MACROD2: variants seen among roughly 807,000 people sequenced by gnomAD.
MACROD2 encodes the protein mono-ADP ribosylhydrolase 2.
Under a neutral mutation model 70.4 loss-of-function variants are expected in MACROD2, and 36 were observed. The ratio of observed to expected loss-of-function variants is 0.51; its 90% CI spans 0.39 to 0.68. The LOEUF is 0.68. Ranked by LOEUF, MACROD2 falls within the 30% of genes least tolerant of loss-of-function variation. The pLI is 0.00. For synonymous variants in MACROD2, 172 were observed against 178.8 expected (o/e 0.96, Z 0.30); for missense variants, 496 against 538.4 (o/e 0.92, Z 0.78).
At chr20:14,870,505 C>T (rs1040547195) in intron 5 of MACROD2, among the ~76,000 whole-genome samples, 3 of 152,034 alleles carry the variant, frequency 2.0e-5, no homozygotes, top group Non-Finnish European at 2.9e-5. Context: ...TTTAAGTCTT[C>T]GAGGAATCCC....
chr20:14,208,155 T>A (rs2081541451), intron 3 of MACROD2, among the ~76,000 whole-genome samples: 2 of 152,122 alleles, frequency 1.3e-5, no homozygotes, highest in South Asian at 4.1e-4. Context: ...TTGTTGAAGG[T>A]GATTTGGGGT....
chr20:15,820,840 A>G (rs2063930958), intron 8 of MACROD2, among the ~76,000 whole-genome samples: 2 of 152,202 alleles, frequency 1.3e-5, no homozygotes, highest in Non-Finnish European at 2.9e-5. Context: ...TATTCATGCT[A>G]TATCAACATG....
intron 5 of MACROD2, among the ~76,000 whole-genome samples, chr20:15,163,447 G>A (rs115593214): frequency 8.9e-4 from 135 of 152,164 alleles, no homozygotes; most frequent in African/African-American, 3.2e-3. Context: ...TTTAGAAATA[G>A]CATTCTCACT....
At chr20:14,492,480 C>A (rs1207384263) in intron 3 of MACROD2, among the ~76,000 whole-genome samples, 1 of 152,136 alleles carries the variant, frequency 6.6e-6, no homozygotes, top group Non-Finnish European at 1.5e-5. Context: ...TATCTAACCT[C>A]ATTGAATCAT....
chr20:14,180,970 A>C (rs1258961906), intron 3 of MACROD2, among the ~76,000 whole-genome samples: 1 of 152,084 alleles, frequency 6.6e-6, no homozygotes, highest in Admixed American at 6.6e-5. Flanking sequence ...TGTATTCACT[A>C]TCTGAAAATT....
intron 5 of MACROD2, among the ~76,000 whole-genome samples, chr20:14,946,433 G>A (rs1434667098): frequency 1.3e-5 from 2 of 151,902 alleles, no homozygotes; most frequent in African/African-American, 2.4e-5. Context: ...CCAATATGTT[G>A]TATTTAAATA....
At chr20:15,415,506 A>T (rs1481716108) in intron 6 of MACROD2, among the ~76,000 whole-genome samples, 3 of 152,216 alleles carry the variant, frequency 2.0e-5, no homozygotes, top group Non-Finnish European at 2.9e-5. Context: ...CCTTCCACAC[A>T]CTTTAAAGGA....
At chr20:15,337,598 A>G (rs1216215861) in intron 6 of MACROD2, among the ~76,000 whole-genome samples, 2 of 151,780 alleles carry the variant, frequency 1.3e-5, no homozygotes, top group Non-Finnish European at 2.9e-5. Context: ...ATTACCACAC[A>G]TACTTATTTA....
chr20:15,339,627 G>A (rs535405095), intron 6 of MACROD2, among the ~76,000 whole-genome samples: 1 of 151,878 alleles, frequency 6.6e-6, no homozygotes, highest in Admixed American at 6.5e-5. Flanking sequence ...CTGTTTTGTT[G>A]AGATGGCTTC....
At chr20:14,491,062 T>C (rs1387985623) in intron 3 of MACROD2, among the ~76,000 whole-genome samples, 2 of 152,150 alleles carry the variant, frequency 1.3e-5, no homozygotes, top group African/African-American at 4.8e-5. Flanking sequence ...TTATTATTAA[T>C]TTTAGACACA....
chr20:14,980,125 A>G (rs1233369637), intron 5 of MACROD2, among the ~76,000 whole-genome samples: 1 of 152,128 alleles, frequency 6.6e-6, no homozygotes, highest in Non-Finnish European at 1.5e-5. Context: ...TTGTCCTCCT[A>G]AAAACTTATT....
chr20:14,376,751 AAATAATAATAATAATAATAAT>A (rs6147295), intron 3 of MACROD2, among the ~76,000 whole-genome samples: 28 of 135,860 alleles, frequency 2.1e-4, no homozygotes, highest in Non-Finnish European at 3.6e-4. Context: ...GCCTGTCTCA[AAATAATAATAATAATAATAAT>A]AATAATAATA....
intron 5 of MACROD2, among the ~76,000 whole-genome samples, chr20:14,828,761 A>G (rs2072929452): frequency 1.3e-5 from 2 of 152,096 alleles, no homozygotes; most frequent in Non-Finnish European, 2.9e-5. Flanking sequence ...ACTGTGTTAC[A>G]TCATGCTAAT....
intron 5 of MACROD2, among the ~76,000 whole-genome samples, chr20:14,954,807 T>A (rs2074510991): frequency 1.2e-4 from 1 of 8,358 alleles, no homozygotes; most frequent in Non-Finnish European, 4.3e-4. Context: ...ATAAATAAAT[T>A]TTATATAATA....
intron 5 of MACROD2, among the ~76,000 whole-genome samples, chr20:14,776,247 T>C (rs1290308746): frequency 6.6e-6 from 1 of 152,040 alleles, no homozygotes; most frequent in Non-Finnish European, 1.5e-5. Flanking sequence ...GTCCAAAGTC[T>C]GGACTCAAGG....
At chr20:15,661,676 T>C (rs999242928) in intron 8 of MACROD2, among the ~76,000 whole-genome samples, 1 of 152,176 alleles carries the variant, frequency 6.6e-6, no homozygotes, top group Non-Finnish European at 1.5e-5. Flanking sequence ...GCACCAGGGA[T>C]GCTTCTAAGC....
intron 15 of MACROD2, among the ~76,000 whole-genome samples, chr20:16,023,690 G>A (rs2067037063): frequency 6.6e-6 from 1 of 152,086 alleles, no homozygotes; most frequent in African/African-American, 2.4e-5. Flanking sequence ...CAATCCCACT[G>A]AGGCCTCTGT....
At chr20:14,485,529 G>A (rs775996623) in intron 3 of MACROD2, among the ~76,000 whole-genome samples, 7 of 151,766 alleles carry the variant, frequency 4.6e-5, no homozygotes, top group African/African-American at 9.7e-5. Flanking sequence ...GTGAAACCCC[G>A]TCTCTACTAA....
At chr20:15,051,797 G>T (rs1352948452) in intron 5 of MACROD2, among the ~76,000 whole-genome samples, 1 of 150,348 alleles carries the variant, frequency 6.7e-6, no homozygotes, top group Admixed American at 6.6e-5. Flanking sequence ...TCCCCGCCAG[G>T]CTGGGGTGCA....
Sources: gnomAD v4.1 joint callset for allele counts (sites outside exome capture counted in the v4.1 genomes callset) on GRCh38, gnomAD v4.1.1 for gene constraint, MANE v1.5 for transcripts, NCBI Gene and HGNC (gene_info 2026-07-23, HGNC 2026-07-21) for gene names.